Variants in RCOR1 observed in about 807,000 individuals in gnomAD.
RCOR1 encodes REST corepressor.
In RCOR1, 12 loss-of-function variants were observed where a neutral mutation model predicts 64.0. The ratio of observed to expected loss-of-function variants is 0.19; its 90% confidence interval spans 0.12 to 0.30. The LOEUF (loss-of-function observed/expected upper bound fraction) is 0.30. Among genes scored for constraint, RCOR1 ranks in the 10% least tolerant of loss-of-function variants. RCOR1 has a pLI of 1.00. For missense variants in RCOR1, 502 were observed against 621.2 expected (o/e 0.81, Z 2.04); for synonymous variants, 279 against 227.2 (o/e 1.23, Z -2.05).
Position 102,689,320 on chromosome 14 carries a change from A to T in RCOR1, c.445+7342A>T, listed in dbSNP as rs550771981. 9.2e-5 allele frequency among the ~76,000 whole-genome samples: 14 copies of T among 151,906 alleles called. No homozygotes were observed. The East Asian group carries it at 9.7e-4, about 10-fold the overall frequency. ...TTTTTTTTGTTGCTTGATTATTATT[A>T]TTTTTTTTAAGGTAGGGCTTGAAAA... is the stretch of plus-strand genomic sequence containing the variant. On this transcript the variant is annotated intron_variant, in intron 3 of 11. Transcript: ENST00000262241.
chr14:102,707,590 A>C, intron 5 of RCOR1, 78 bp downstream of exon 5: 1 of 1,166,108 alleles, frequency 8.6e-7, no homozygotes, highest in Non-Finnish European at 1.2e-6. Flanking sequence ...AGATAGGGAT[A>C]TCATACTCAA....
chr14:102,692,755 T>TCCTTCCTTC (rs1459680171), intron 3 of RCOR1, among the ~76,000 whole-genome samples: 1 of 144,278 alleles, frequency 6.9e-6, no homozygotes, highest in Non-Finnish European at 1.5e-5. Flanking sequence ...CTTCCTTCCT[T>TCCTTCCTTC]CTTTTTCTTT....
chr14:102,668,402 A>G lies in RCOR1; in HGVS notation c.362-13493A>G, dbSNP rs190299470. Among the ~76,000 whole-genome samples the G allele has an allele frequency of 3.3e-5, 5 of 152,370 alleles. No homozygotes were observed. In the East Asian group the frequency reaches 9.6e-4, roughly 29 times the overall value. ...TACTTCAGGTCAGGTAAGCAGTGGC[A>G]GTACAAGAATGAAGAATGGATTCTT... On this transcript the variant is annotated intron_variant, in intron 2 of 11. Coordinates refer to ENST00000262241, the MANE Select transcript of RCOR1 (RefSeq NM_015156.4).
intron 7 of RCOR1, among the ~76,000 whole-genome samples, chr14:102,713,003 G>A (rs1335511129): frequency 2.3e-5 from 3 of 131,814 alleles, no homozygotes; most frequent in African/African-American, 8.6e-5. Flanking sequence ...TGCCCAGGCT[G>A]GAGTGCAGTG....
At chr14:102,620,510 T>G (rs1893852705) in intron 2 of RCOR1, among the ~76,000 whole-genome samples, 1 of 152,128 alleles carries the variant, frequency 6.6e-6, no homozygotes, top group Non-Finnish European at 1.5e-5. Context: ...GAGGTTGTGG[T>G]GAGCCGAGAT....
chr14:102,634,804 C>A (rs527824404), intron 2 of RCOR1, among the ~76,000 whole-genome samples: 3 of 151,812 alleles, frequency 2.0e-5, no homozygotes, highest in Non-Finnish European at 4.4e-5. Context: ...TCAAGTGATT[C>A]TCCTGCCTCA....
At chr14:102,692,440 AACAC>A (rs10622844) in intron 3 of RCOR1, among the ~76,000 whole-genome samples, 5,543 of 146,302 alleles carry the variant, frequency 0.038, 202 homozygotes, top group African/African-American at 0.092. Context: ...GGAAAAAGTT[AACAC>A]ACACACACAC....
chr14:102,717,781 G>C (rs1043824734), intron 8 of RCOR1, among the ~76,000 whole-genome samples: 1 of 152,146 alleles, frequency 6.6e-6, no homozygotes, highest in East Asian at 1.9e-4. Flanking sequence ...AGATTCTTTA[G>C]TTTTCAGAGC....
chr14:102,630,111 T>G, intron 2 of RCOR1: 31 of 427,898 alleles, frequency 7.2e-5, no homozygotes, highest in Non-Finnish European at 9.7e-5. Flanking sequence ...AGGTGGGCCC[T>G]AATGGAAGGT....
At chr14:102,709,726 A>G (rs1384001352) in intron 6 of RCOR1, among the ~76,000 whole-genome samples, 1 of 152,148 alleles carries the variant, frequency 6.6e-6, no homozygotes, top group African/African-American at 2.4e-5. Context: ...ATGGATGAGT[A>G]CTCTTATTAA....
intron 2 of RCOR1, among the ~76,000 whole-genome samples, chr14:102,607,095 GGCT>G (rs933305027): frequency 1.3e-5 from 2 of 152,004 alleles, no homozygotes; most frequent in African/African-American, 4.8e-5. Flanking sequence ...CACCACGTCT[GGCT>G]GATTTTGTAT....
At chr14:102,676,825 C>T in intron 2 of RCOR1, among the ~76,000 whole-genome samples, 1 of 95,226 alleles carries the variant, frequency 1.1e-5, no homozygotes, top group African/African-American at 5.2e-5. Context: ...CGCCCCTCAC[C>T]TCCCGGACGG....
intron 5 of RCOR1, among the ~76,000 whole-genome samples, chr14:102,707,751 A>G (rs1010675452): frequency 6.2e-5 from 2 of 32,248 alleles, no homozygotes; most frequent in East Asian, 6.2e-4. Flanking sequence ...CACCCACCCC[A>G]GTCCCTCTTG....
chr14:102,626,484 AAT>A (rs1893985078), intron 2 of RCOR1, among the ~76,000 whole-genome samples: 1 of 152,200 alleles, frequency 6.6e-6, no homozygotes. Flanking sequence ...CACCTCTCAG[AAT>A]ACTTCTGGGG....
At chr14:102,603,490 A>G (rs1257625077) in intron 2 of RCOR1, among the ~76,000 whole-genome samples, 1 of 151,948 alleles carries the variant, frequency 6.6e-6, no homozygotes, top group African/African-American at 2.4e-5. Context: ...ATGCCCAGCT[A>G]ATATTTGTAT....
At chr14:102,673,600 G>A (rs1402283405) in intron 2 of RCOR1, among the ~76,000 whole-genome samples, 3 of 151,300 alleles carry the variant, frequency 2.0e-5, no homozygotes, top group Admixed American at 2.0e-4. Flanking sequence ...CTCCCAAAGT[G>A]CTGGGATTAC....
At chr14:102,669,894 G>A (rs546329134) in intron 2 of RCOR1, among the ~76,000 whole-genome samples, 2 of 152,254 alleles carry the variant, frequency 1.3e-5, no homozygotes, top group African/African-American at 4.8e-5. Flanking sequence ...ATTTACTCAT[G>A]CGTAGCATCT....
At chr14:102,629,657 A>G (rs1177446714) in intron 2 of RCOR1, among the ~76,000 whole-genome samples, 1 of 152,166 alleles carries the variant, frequency 6.6e-6, no homozygotes, top group Non-Finnish European at 1.5e-5. Context: ...TACAAATGCT[A>G]TTTGTAGTCT....
chr14:102,718,269 G>A (rs1280959301), intron 8 of RCOR1, among the ~76,000 whole-genome samples: 1 of 152,006 alleles, frequency 6.6e-6, no homozygotes, highest in Non-Finnish European at 1.5e-5. Flanking sequence ...CTGCATTCAG[G>A]GCAGTATGAA....
Sources: gnomAD v4.1 joint callset for allele counts (sites outside exome capture counted in the v4.1 genomes callset) on GRCh38, gnomAD v4.1.1 for gene constraint, MANE v1.5 for transcripts, NCBI Gene and HGNC (gene_info 2026-07-23, HGNC 2026-07-21) for gene names.